The following HELZ variants were observed in gnomAD, a reference collection of about 807,000 sequenced individuals.
HELZ encodes the protein helicase with zinc finger.
HELZ carries 23 observed loss-of-function variants against 218.2 expected under a neutral mutation model. The ratio of observed to expected loss-of-function variants is 0.11; its 90% CI spans 0.08 to 0.15. The LOEUF is 0.15. HELZ is among the 10% of genes least tolerant of loss of function. The probability of loss-of-function intolerance (pLI) is 1.00; values close to 1 mark genes in which losing one functional copy is unlikely to be tolerated. For synonymous variants in HELZ, 814 were observed against 829.4 expected, an observed-to-expected ratio of 0.98 and a Z score of 0.32; for missense variants, 1,813 against 2,353.7, an observed-to-expected ratio of 0.77 and a Z score of 4.75.
chr17:67,107,814 C>G, intron 30 of HELZ, 129 bp from the exon 31 acceptor site: 1 of 767,398 alleles, frequency 1.3e-6, no homozygotes, highest in Admixed American at 2.9e-5. Flanking sequence ...GGCATTAATT[C>G]ATCTCAGATG....
At chr17:67,105,706 T>G (rs1347009693) in intron 31 of HELZ, among the ~76,000 whole-genome samples, 1 of 152,224 alleles carries the variant, frequency 6.6e-6, no homozygotes, top group African/African-American at 2.4e-5. Flanking sequence ...TCTGAAAGAC[T>G]GTCAGATGTG....
intron 23 of HELZ, among the ~76,000 whole-genome samples, chr17:67,130,575 A>G (rs1395020409): frequency 6.6e-6 from 1 of 152,212 alleles, no homozygotes; most frequent in Non-Finnish European, 1.5e-5. Flanking sequence ...TTTATTTTTA[A>G]GAACACCAAT....
intron 31 of HELZ, among the ~76,000 whole-genome samples, chr17:67,088,487 TAAGTTA>T (rs1271039303): frequency 6.6e-6 from 1 of 152,182 alleles, no homozygotes; most frequent in African/African-American, 2.4e-5. Flanking sequence ...CTGAGAGTAT[TAAGTTA>T]AAGTAAATGG....
At chr17:67,109,065 G>T in intron 29 of HELZ, 51 bp downstream of exon 29, 1 of 1,383,632 alleles carries the variant, frequency 7.2e-7, no homozygotes, top group Non-Finnish European at 1.0e-6. Flanking sequence ...TACAGTCCAA[G>T]TCATGTTAAG....
At chr17:67,107,089 GCCTT>G (rs2037126990) in intron 31 of HELZ, 76 bp downstream of exon 31, 1 of 1,263,816 alleles carries the variant, frequency 7.9e-7, no homozygotes, top group Middle Eastern at 2.0e-4. Context: ...TAAGATCTGT[GCCTT>G]CCTATTATCA....
At chr17:67,222,320 G>A (rs1357075545) in intron 3 of HELZ, among the ~76,000 whole-genome samples, 1 of 152,198 alleles carries the variant, frequency 6.6e-6, no homozygotes, top group Non-Finnish European at 1.5e-5. Flanking sequence ...ATATCTGCAA[G>A]TCACTGACAA....
intron 24 of HELZ, 36 bp from the exon 25 acceptor site, chr17:67,124,050 C>G (rs750401462): frequency 7.5e-7 from 1 of 1,336,942 alleles, no homozygotes; most frequent in South Asian, 1.2e-5. Flanking sequence ...ATAATTTAAG[C>G]ATGTTTAGTA....
At chr17:67,093,586 T>G (rs1478297485) in intron 31 of HELZ, among the ~76,000 whole-genome samples, 2 of 152,206 alleles carry the variant, frequency 1.3e-5, no homozygotes, top group Non-Finnish European at 2.9e-5. Context: ...CCATGGGAGC[T>G]CCTGGTCAGT....
At chr17:67,209,401 C>T (rs568344713) in intron 5 of HELZ, among the ~76,000 whole-genome samples, 48 of 152,146 alleles carry the variant, frequency 3.2e-4, no homozygotes, top group African/African-American at 1.1e-3. Context: ...AGTTCAAGAC[C>T]AGCCTGACCA....
Position 67,245,175 on chromosome 17 carries a change from A to C in HELZ, c.-159T>G. Reference sequence around the variant, plus strand: ...GTCATTACTTTCTACGCCATCTTGGATCCACTTGTCAACGTCCCCACAAAG... The same window carrying C: ...GTCATTACTTTCTACGCCATCTTGGCTCCACTTGTCAACGTCCCCACAAAG... On this transcript the variant is annotated 5_prime_UTR_variant, in exon 1 of 33. Transcript: ENST00000358691. The C allele has an allele frequency of 2.0e-6, 2 of 985,158 alleles. No individual in the cohort carries two copies. The highest frequency in any genetic ancestry group is 2.4e-6 in the Non-Finnish European group (2 of 829,892). 61.0% of individuals were successfully genotyped at this position (985,158 alleles called of 1,614,324 possible).
chr17:67,134,977 C>CT (rs766283800), intron 23 of HELZ, among the ~76,000 whole-genome samples: 192 of 140,690 alleles, frequency 1.4e-3, no homozygotes, highest in East Asian at 4.1e-3. Flanking sequence ...TGTTCGACTG[C>CT]TTTTTTTTTT....
chr17:67,188,604 G>A lies in HELZ; in HGVS notation c.877C>T (p.Leu293=). ...FALTCKPARM[L]YRVALLYDAH... Reference sequence around the variant, plus strand: ...TCATAAAGCAATGCTACACGATACAGCATTCTTGCAGGCTACAAGGAAGTT... The same window carrying A: ...TCATAAAGCAATGCTACACGATACAACATTCTTGCAGGCTACAAGGAAGTT... The change falls in exon 12 of 33, where the codon CTG becomes TTG. Residue 293 remains leucine (L), a synonymous_variant. Transcript: ENST00000358691. This position sits in a 1 kb window ranked among gnomAD's most constrained non-coding sequence, Gnocchi z 4.1. 1 of 1,612,412 alleles carries A rather than the reference G, an allele frequency of 6.2e-7. No homozygotes were observed. Among genetic ancestry groups the A allele is most frequent in the Non-Finnish European group, 8.5e-7 (1 of 1,178,740 alleles).
At chr17:67,130,585 T>C (rs1384888266) in intron 23 of HELZ, among the ~76,000 whole-genome samples, 3 of 152,076 alleles carry the variant, frequency 2.0e-5, no homozygotes, top group Admixed American at 6.5e-5. Context: ...AGAACACCAA[T>C]GAAGGAATTG....
chr17:67,179,215 C>G (rs886630086), intron 12 of HELZ, among the ~76,000 whole-genome samples: 3 of 151,984 alleles, frequency 2.0e-5, no homozygotes, highest in Non-Finnish European at 1.5e-5. Flanking sequence ...ACATTTAGAA[C>G]TTAACTCTTC....
At chr17:67,234,428 A>G (rs1342516557) in intron 3 of HELZ, among the ~76,000 whole-genome samples, 1 of 151,558 alleles carries the variant, frequency 6.6e-6, no homozygotes, top group Non-Finnish European at 1.5e-5. Context: ...AATCCTTTCC[A>G]TGGCCACCAA....
At chr17:67,245,260 C>A (rs1171483008), upstream of HELZ, 3 of 962,542 alleles carry the variant, frequency 3.1e-6, no homozygotes, top group South Asian at 4.6e-5. Context: ...TCCCGCCTCC[C>A]GCCGCCGGCG....
intron 32 of HELZ, among the ~76,000 whole-genome samples, chr17:67,084,253 T>G (rs2036284451): frequency 6.6e-6 from 1 of 152,230 alleles, no homozygotes; most frequent in Non-Finnish European, 1.5e-5. Context: ...TGACTTTATA[T>G]TTGCAGAAAA....
chr17:67,108,649 C>T lies in HELZ; in HGVS notation c.4567G>A (p.Ala1523Thr), dbSNP rs894761507. The change falls in exon 30 of 33, where the codon GCC becomes ACC. Residue 1523 changes from alanine to threonine, a missense_variant. Physicochemically the swap from Ala to Thr is moderately conservative, Grantham distance 58. Coordinates refer to ENST00000358691, the MANE Select transcript of HELZ (RefSeq NM_014877.4). This position sits in a 1 kb window ranked among gnomAD's most constrained non-coding sequence, Gnocchi z 4.1. ...ARFQQWSEHH[A>T]FLSQGSAPYP... ...GGAGCGCTGCCCTGACTGAGAAAGG[C>T]ATGATGCTCGCTCCACTGCTGGAAC... The T allele has an allele frequency of 1.2e-6, 2 of 1,614,070 alleles. No individual in the cohort carries two copies. Among genetic ancestry groups the T allele is most frequent in the African/African-American group, 1.3e-5 (1 of 75,024 alleles).
Position 67,156,580 on chromosome 17 carries a change from G to T in HELZ, c.2177+3681C>A, listed in dbSNP as rs368303380. 5.3e-5 allele frequency among the ~76,000 whole-genome samples: 8 copies of T among 152,100 alleles called. No homozygotes were observed. The East Asian group carries it at 5.8e-4, about 11-fold the overall frequency. On this transcript the variant is annotated intron_variant, in intron 17 of 32. Transcript: ENST00000358691. ...CAGGCCCAGCGAGTTACCTGACTTG[G>T]CAGCATGCAAAGTTCCGCTGTTGCT... is the stretch of plus-strand genomic sequence containing the variant.
Sources: gnomAD v4.1 joint callset for allele counts (sites outside exome capture counted in the v4.1 genomes callset) on GRCh38, gnomAD v4.1.1 for gene constraint, Gnocchi (gnomAD v3.1) non-coding constraint, MANE v1.5 for transcripts, NCBI Gene and HGNC (gene_info 2026-07-23, HGNC 2026-07-21) for gene names.